Variants in ELOVL6 observed in about 807,000 individuals in gnomAD.
ELOVL6 encodes the protein very long chain fatty acid elongase 6.
A neutral mutation model predicts 31.7 loss-of-function variants in ELOVL6; 8 were observed. The ratio of observed to expected loss-of-function variants is 0.25; its 90% confidence interval spans 0.15 to 0.45. The LOEUF (loss-of-function observed/expected upper bound fraction) is 0.45, where lower values mean the gene tolerates loss of function less well. Ranked by LOEUF, ELOVL6 falls within the 20% of genes least tolerant of loss-of-function variation. The pLI, the probability that ELOVL6 is intolerant of heterozygous loss-of-function variation, is 1.00. For missense variants in ELOVL6, 126 were observed against 326.4 expected, an observed-to-expected ratio of 0.39 and a Z score of 4.73; for synonymous variants, 101 against 117.7, an observed-to-expected ratio of 0.86 and a Z score of 0.92.
chr4:110,178,640 G>A (rs1398567247), intron 1 of ELOVL6, among the ~76,000 whole-genome samples: 1 of 151,778 alleles, frequency 6.6e-6, no homozygotes, highest in Non-Finnish European at 1.5e-5. Flanking sequence ...GACTGCTTAA[G>A]CTCAGAAACT....
At chr4:110,084,401 G>GATATATCTCGC (rs1306585444) in intron 2 of ELOVL6, among the ~76,000 whole-genome samples, 1 of 17,508 alleles carries the variant, frequency 5.7e-5, no homozygotes, top group African/African-American at 1.3e-4. Flanking sequence ...TATGATATAT[G>GATATATCTCGC]ATATATGACA....
intron 2 of ELOVL6, among the ~76,000 whole-genome samples, chr4:110,070,110 C>T (rs1292418591): frequency 6.6e-6 from 1 of 152,190 alleles, no homozygotes; most frequent in Non-Finnish European, 1.5e-5. Context: ...GCTTTCTTCC[C>T]TTGCCTTTTC....
chr4:110,117,903 A>AAAATT, intron 1 of ELOVL6: 2 of 6,494 alleles, frequency 3.1e-4, no homozygotes, highest in African/African-American at 6.5e-4. Context: ...AAAAAAAAAA[A>AAAATT]ATATATATAT....
chr4:110,174,941 G>A (rs765450313), intron 1 of ELOVL6, among the ~76,000 whole-genome samples: 2 of 151,690 alleles, frequency 1.3e-5, no homozygotes, highest in South Asian at 2.1e-4. Context: ...CATTCCTTTC[G>A]CTTCTTCTTA....
intron 1 of ELOVL6, among the ~76,000 whole-genome samples, chr4:110,183,997 C>A (rs899328671): frequency 6.6e-6 from 1 of 151,962 alleles, no homozygotes; most frequent in Non-Finnish European, 1.5e-5. Context: ...ATCAATCAAT[C>A]AATAAAATAT....
intron 1 of ELOVL6, among the ~76,000 whole-genome samples, chr4:110,121,170 G>A (rs1480499950): frequency 2.0e-5 from 3 of 152,312 alleles, no homozygotes; most frequent in East Asian, 1.9e-4. Context: ...GCAGGGAATA[G>A]CCAAGTCAAG....
At chr4:110,135,585 T>C (rs1349318833) in intron 1 of ELOVL6, among the ~76,000 whole-genome samples, 1 of 152,124 alleles carries the variant, frequency 6.6e-6, no homozygotes, top group Non-Finnish European at 1.5e-5. Flanking sequence ...ATTGTTTAAA[T>C]AGGTAAGTTC....
At chr4:110,148,297 C>CTATT (rs1758184006) in intron 1 of ELOVL6, among the ~76,000 whole-genome samples, 1 of 151,934 alleles carries the variant, frequency 6.6e-6, no homozygotes, top group African/African-American at 2.4e-5. Context: ...ATCAGAATGG[C>CTATT]TATTATTAAA....
At chr4:110,152,404 T>C (rs1463894956) in intron 1 of ELOVL6, among the ~76,000 whole-genome samples, 1 of 152,244 alleles carries the variant, frequency 6.6e-6, no homozygotes, top group East Asian at 1.9e-4. Flanking sequence ...AAACCTTTAC[T>C]TTCCCAAATC....
rs1163149461 is a variant in ELOVL6 at position 110,084,052 on chromosome 4, TATATG to T, written c.221+21440_221+21444del. On this transcript the variant is annotated intron_variant, in intron 2 of 3. Coordinates refer to ENST00000302274, the MANE Select transcript of ELOVL6 (RefSeq NM_024090.3). ...CATATATGGTATATAACACATGCTATATATGATATATAACATATATATGCTATATA... is the reference window on the plus strand; with the variant it reads ...CATATATGGTATATAACACATGCTATATATATAACATATATATGCTATATA... Among the ~76,000 whole-genome samples, 69 of 117,130 alleles carry T rather than the reference TATATG, an allele frequency of 5.9e-4. 1 individual carries two copies. Among genetic ancestry groups the T allele is most frequent in the South Asian group, 3.2e-3 (11 of 3,490 alleles). The allele number at this position is 117,130 out of a possible 152,430, so 76.8% of individuals were successfully genotyped here.
At chr4:110,067,272 C>T (rs1220753318) in intron 2 of ELOVL6, among the ~76,000 whole-genome samples, 1 of 152,130 alleles carries the variant, frequency 6.6e-6, no homozygotes, top group Non-Finnish European at 1.5e-5. Context: ...TCAGATACCT[C>T]CATTAGAAAA....
chr4:110,158,635 G>GTATATA lies in ELOVL6; in HGVS notation c.89+39606_89+39611dup, dbSNP rs780807092. 1.4e-3 allele frequency among the ~76,000 whole-genome samples: 112 copies of GTATATA among 81,534 alleles called. 1 individual carries two copies. Among genetic ancestry groups the GTATATA allele is most frequent in the Middle Eastern group, 6.6e-3 (1 of 152 alleles). 53.5% of individuals were successfully genotyped at this position (81,534 alleles called of 152,430 possible). ...TATATACACACACATATATACACGT[G>GTATATA]TATATATATATATATATATATATTT... On this transcript the variant is annotated intron_variant, in intron 1 of 3. Transcript: ENST00000302274.
chr4:110,065,040 T>C (rs1343610510), intron 2 of ELOVL6, among the ~76,000 whole-genome samples: 5 of 151,428 alleles, frequency 3.3e-5, no homozygotes, highest in Admixed American at 6.6e-5. Context: ...ATGAGGGAGG[T>C]TGGGGAGGGG....
At chr4:110,101,471 C>T (rs1305237468) in intron 2 of ELOVL6, among the ~76,000 whole-genome samples, 3 of 150,536 alleles carry the variant, frequency 2.0e-5, no homozygotes, top group South Asian at 2.1e-4. Context: ...AACATGTGTA[C>T]GTATATTTTA....
chr4:110,119,522 T>C (rs1481025728), intron 1 of ELOVL6, among the ~76,000 whole-genome samples: 1 of 152,240 alleles, frequency 6.6e-6, no homozygotes, highest in Non-Finnish European at 1.5e-5. Context: ...CGCTCCTGCT[T>C]GTGCCTGTCA....
intron 1 of ELOVL6, among the ~76,000 whole-genome samples, chr4:110,136,919 A>G (rs997384121): frequency 2.0e-4 from 31 of 152,266 alleles, no homozygotes; most frequent in African/African-American, 7.0e-4. Context: ...GTCTTCTGGG[A>G]TTGTCTGTTA....
intron 1 of ELOVL6, among the ~76,000 whole-genome samples, chr4:110,113,783 C>T (rs760565155): frequency 3.9e-5 from 6 of 152,110 alleles, no homozygotes; most frequent in African/African-American, 7.2e-5. Context: ...CCATTTAAAA[C>T]AGTAATTTCT....
chr4:110,196,456 G>C (rs1420099638), intron 1 of ELOVL6, among the ~76,000 whole-genome samples: 2 of 152,204 alleles, frequency 1.3e-5, no homozygotes, highest in Admixed American at 6.5e-5. Flanking sequence ...CACCCCCTAA[G>C]CGGGAGGAGG....
chr4:110,124,155 G>A (rs549653233), intron 1 of ELOVL6, among the ~76,000 whole-genome samples: 3 of 152,298 alleles, frequency 2.0e-5, no homozygotes, highest in Non-Finnish European at 2.9e-5. Flanking sequence ...TAAAGAATGT[G>A]TTTAACCAGA....
Sources: gnomAD v4.1 joint callset for allele counts (sites outside exome capture counted in the v4.1 genomes callset) on GRCh38, gnomAD v4.1.1 for gene constraint, MANE v1.5 for transcripts, NCBI Gene and HGNC (gene_info 2026-07-23, HGNC 2026-07-21) for gene names.